ERICH5: variants seen among roughly 807,000 people sequenced by gnomAD.
ERICH5 encodes glutamate rich 5, also known as glutamate-rich protein 5.
ERICH5 carries 24 observed loss-of-function variants against 28.0 expected under a neutral mutation model. That is an observed-to-expected ratio of 0.86 (90% CI 0.62 to 1.21). The LOEUF is 1.21. Among genes scored for constraint, ERICH5 ranks in the 50% most tolerant of loss-of-function variants. ERICH5 has a pLI of 0.00. For synonymous variants in ERICH5, 163 were observed against 157.6 expected (o/e 1.03, Z -0.25); for missense variants, 421 against 441.2 (o/e 0.95, Z 0.41).
intron 2 of ERICH5, 49 bp from the exon 3 acceptor site, chr8:98,093,172 T>C (rs1815437949): frequency 7.5e-7 from 1 of 1,335,862 alleles, no homozygotes; most frequent in South Asian, 1.3e-5. Context: ...ATAATTTATG[T>C]TAATTCTAAA....
At chr8:98,072,134 C>T (rs1475486207) in intron 1 of ERICH5, among the ~76,000 whole-genome samples, 1 of 152,106 alleles carries the variant, frequency 6.6e-6, no homozygotes, top group Admixed American at 6.6e-5. Context: ...TGCTGGAGTG[C>T]ATGATTTAGT....
chr8:98,075,162 G>C (rs1195677766), intron 1 of ERICH5, among the ~76,000 whole-genome samples: 1 of 152,040 alleles, frequency 6.6e-6, no homozygotes, highest in Non-Finnish European at 1.5e-5. Flanking sequence ...TGGTTGACTT[G>C]ACTTCTCACT....
At chr8:98,091,828 CTTTTTCTT>C (rs757005870) in intron 2 of ERICH5, among the ~76,000 whole-genome samples, 2,060 of 148,016 alleles carry the variant, frequency 0.014, 17 homozygotes, top group Middle Eastern at 0.025. Flanking sequence ...CTTTTTCTTT[CTTTTTCTT>C]TTTCTTTCTT....
In ERICH5 at chr8:98,089,931, T is replaced by C; in HGVS notation, c.914T>C (p.Val305Ala). Residue 305 changes from valine (V) to alanine (A), a missense_variant, in exon 2 of 3, where the codon GTT becomes GCT. Val to Ala is a moderately conservative substitution (Grantham distance 64). Coordinates refer to ENST00000318528, the MANE Select transcript of ERICH5 (RefSeq NM_173549.3). Reference protein sequence around the residue: ...NMEQIQPEGIVGSMEHPARNV... With the variant: ...NMEQIQPEGIAGSMEHPARNV... ...GAGCAGATTCAACCTGAAGGAATAG[T>C]TGGAAGCATGGAGCATCCAGCACGA... The C allele has an allele frequency of 6.2e-7, 1 of 1,614,156 alleles. No homozygotes were observed. Among genetic ancestry groups the C allele is most frequent in the East Asian group, 2.2e-5 (1 of 44,886 alleles).
At chr8:98,091,848 C>A (rs1400160033) in intron 2 of ERICH5, among the ~76,000 whole-genome samples, 3 of 77,942 alleles carry the variant, frequency 3.8e-5, no homozygotes, top group Non-Finnish European at 7.9e-5. Flanking sequence ...TTCTTTCTTT[C>A]TTTCTTTCTT....
At chr8:98,070,305 G>T (rs1814888889) in intron 1 of ERICH5, among the ~76,000 whole-genome samples, 2 of 151,962 alleles carry the variant, frequency 1.3e-5, no homozygotes, top group South Asian at 4.1e-4. Flanking sequence ...GGAGAATCAG[G>T]AGGTCAAGCA....
At chr8:98,081,746 G>A (rs539231837) in intron 1 of ERICH5, among the ~76,000 whole-genome samples, 16 of 152,156 alleles carry the variant, frequency 1.1e-4, no homozygotes, top group Admixed American at 6.5e-4. Flanking sequence ...TGAACAACAT[G>A]GAGAAACCCC....
At chr8:98,067,439 CAG>C (rs929214852) in intron 1 of ERICH5, among the ~76,000 whole-genome samples, 3 of 142,488 alleles carry the variant, frequency 2.1e-5, no homozygotes, top group Admixed American at 7.2e-5. Flanking sequence ...GTCTGGGCAA[CAG>C]AGTGAGACTC....
chr8:98,066,295 A>T lies in ERICH5; in HGVS notation c.58+1568A>T, dbSNP rs115628298. Among the ~76,000 whole-genome samples, 872 of 152,338 alleles carry T rather than the reference A, an allele frequency of 5.7e-3. 12 individuals carry two copies. Among genetic ancestry groups the T allele is most frequent in the African/African-American group, 0.02 (835 of 41,580 alleles). The stretch of plus-strand genomic sequence containing the variant: ...AAAGCCGAGGGAAAACAGATGCTTC[A>T]GGAAGATACATTTTATTATTCTGAC... On this transcript the variant is annotated intron_variant, in intron 1 of 2. Coordinates refer to ENST00000318528, the MANE Select transcript of ERICH5 (RefSeq NM_173549.3).
chr8:98,071,496 A>G (rs1353221974), intron 1 of ERICH5, among the ~76,000 whole-genome samples: 1 of 151,854 alleles, frequency 6.6e-6, no homozygotes, highest in Non-Finnish European at 1.5e-5. Flanking sequence ...TTTCTTTTTT[A>G]GAGACAGGGT....
In ERICH5 at chr8:98,065,276, G is replaced by A. The variant is rs929766432; in HGVS notation, c.58+549G>A. Among the ~76,000 whole-genome samples the A allele has an allele frequency of 4.6e-5, 7 of 152,290 alleles. No homozygotes were observed. The East Asian group carries it at 1.4e-3, about 29-fold the overall frequency. On this transcript the variant is annotated intron_variant, in intron 1 of 2. Transcript: ENST00000318528. ...CTTTTCCCCATTTACCCTCCCATTA[G>A]CGTTTCAGCATCAAAGATGGCAAAA...
chr8:98,069,310 T>A (rs545446312), intron 1 of ERICH5, among the ~76,000 whole-genome samples: 1 of 152,226 alleles, frequency 6.6e-6, no homozygotes, highest in Non-Finnish European at 1.5e-5. Flanking sequence ...CTGAAAAGTA[T>A]ACCTTCCACC....
At chr8:98,092,553 C>T (rs1337475730) in intron 2 of ERICH5, among the ~76,000 whole-genome samples, 1 of 152,174 alleles carries the variant, frequency 6.6e-6, no homozygotes, top group Non-Finnish European at 1.5e-5. Flanking sequence ...GATCCTCTTG[C>T]CTCAGCTTGC....
chr8:98,089,390 C>T lies in ERICH5; in HGVS notation c.373C>T (p.Pro125Ser), dbSNP rs1325218737. The change falls in exon 2 of 3, where the codon CCA (proline) becomes TCA (serine). Residue 125 changes from proline to serine, a missense_variant. By Grantham distance (74) the Pro-to-Ser change is moderately conservative. Transcript: ENST00000318528. ...PPQPGGKEDAPAAEGKKKDAG... is the reference protein window; with the variant it reads ...PPQPGGKEDASAAEGKKKDAG... ...TCAACCAGGTGGCAAAGAGGATGCC[C>T]CAGCAGCAGAAGGAAAGAAGAAAGA... 6.2e-7 allele frequency: 1 copy of T among 1,614,074 alleles called. No homozygotes were observed. Among genetic ancestry groups the T allele is most frequent in the Non-Finnish European group, 8.5e-7 (1 of 1,180,062 alleles).
intron 1 of ERICH5, among the ~76,000 whole-genome samples, chr8:98,074,717 T>G (rs1329730405): frequency 6.6e-6 from 1 of 152,194 alleles, no homozygotes; most frequent in Non-Finnish European, 1.5e-5. Context: ...ACAGAAAAAT[T>G]ATGAAGTTGG....
intron 2 of ERICH5, 54 bp downstream of exon 2, chr8:98,090,083 G>A (rs1412481790): frequency 7.5e-7 from 1 of 1,339,482 alleles, no homozygotes; most frequent in African/African-American, 1.4e-5. Context: ...TAGGAGACCA[G>A]CTCTGGGGAG....
intron 2 of ERICH5, among the ~76,000 whole-genome samples, chr8:98,091,920 C>CTTTCCTTTCTTT (rs1815408893): frequency 1.5e-4 from 4 of 26,808 alleles, no homozygotes; most frequent in African/African-American, 5.0e-4. Context: ...TTTCTTTCTT[C>CTTTCCTTTCTTT]CTTTCTTTCT....
At chr8:98,064,801 G>A (rs1266706830) in intron 1 of ERICH5, 74 bp downstream of exon 1, 3 of 1,299,342 alleles carry the variant, frequency 2.3e-6, no homozygotes, top group Non-Finnish European at 3.1e-6. Context: ...AGGTCCAAAG[G>A]GTGTGTCCCG....
intron 2 of ERICH5, among the ~76,000 whole-genome samples, chr8:98,092,441 C>T (rs1046914372): frequency 2.6e-5 from 4 of 152,176 alleles, no homozygotes; most frequent in South Asian, 2.1e-4. Flanking sequence ...GGATTATAGG[C>T]GTGAGCCACC....
Sources: allele counts gnomAD v4.1 joint callset (sites outside exome capture counted in the v4.1 genomes callset), GRCh38; gene constraint gnomAD v4.1.1; transcripts MANE v1.5; gene names NCBI Gene and HGNC (gene_info 2026-07-23, HGNC 2026-07-21).